PON2: variants seen among roughly 807,000 people sequenced by gnomAD.
PON2 encodes the protein serum paraoxonase/arylesterase 2.
In PON2, 27 loss-of-function variants were observed where a neutral mutation model predicts 36.6. That is an observed-to-expected ratio of 0.74 (90% CI 0.54 to 1.02). The LOEUF (loss-of-function observed/expected upper bound fraction) is 1.02, where lower values mean the gene tolerates loss of function less well. Ranked by LOEUF, PON2 falls within the 50% of genes least tolerant of loss-of-function variation. PON2 has a pLI of 0.00. For synonymous variants in PON2, 149 were observed against 156.3 expected (o/e 0.95, Z 0.35); for missense variants, 363 against 421.1 (o/e 0.86, Z 1.21).
At chr7:95,411,809 A>G in intron 4 of PON2, 30 bp from the exon 5 acceptor site, 2 of 1,610,988 alleles carry the variant, frequency 1.2e-6, no homozygotes, top group Non-Finnish European at 1.7e-6. Flanking sequence ...GAGTTAATTT[A>G]CAAGACATAA....
chr7:95,416,367 A>C lies in PON2; in HGVS notation c.146-70T>G, dbSNP rs962859873. The C allele has an allele frequency of 2.8e-5, 42 of 1,503,746 alleles. No individual in the cohort carries two copies. In the African/African-American group the frequency reaches 3.9e-4, roughly 14 times the overall value. 93.2% of individuals were successfully genotyped at this position (1,503,746 alleles called of 1,614,324 possible). A position where few individuals can be genotyped will look rare whatever the true frequency, so the allele number is the denominator to read the frequency against. ...ATTTGTTACACAGAGCATAACTGGG[A>C]CTCTGTTTACTTTATCAGAGTGACT... On this transcript the variant is annotated intron_variant, in intron 2 of 8. Transcript: ENST00000222572.
intron 2 of PON2, among the ~76,000 whole-genome samples, chr7:95,419,495 C>G (rs960920085): frequency 1.3e-5 from 2 of 152,200 alleles, no homozygotes; most frequent in Non-Finnish European, 2.9e-5. Context: ...CTTCTTATTA[C>G]TTTAGCAATT....
chr7:95,418,467 C>G (rs183878095), intron 2 of PON2: 2 of 152,278 alleles, frequency 1.3e-5, no homozygotes, highest in African/African-American at 4.8e-5. Context: ...GAAACATCCC[C>G]TGATTCCTCT....
At chr7:95,410,835 T>C (rs1736078847) in intron 5 of PON2, among the ~76,000 whole-genome samples, 1 of 152,094 alleles carries the variant, frequency 6.6e-6, no homozygotes, top group Non-Finnish European at 1.5e-5. Flanking sequence ...GGAAGGTAGG[T>C]CTCATTTTTC....
intron 2 of PON2, chr7:95,424,027 A>G: frequency 5.6e-6 from 1 of 177,492 alleles, no homozygotes; most frequent in Non-Finnish European, 1.2e-5. Flanking sequence ...ACACGTGGGG[A>G]TTATGGGAAC....
chr7:95,416,013 T>C lies in PON2; in HGVS notation c.201+229A>G. 4 of 693,252 alleles carry C rather than the reference T, an allele frequency of 5.8e-6. No homozygotes were observed. The South Asian group carries it at 8.0e-5, about 14-fold the overall frequency. The allele number at this position is 693,252 out of a possible 1,614,324, so 42.9% of individuals were successfully genotyped here. A position where few individuals can be genotyped will look rare whatever the true frequency, so the allele number is the denominator to read the frequency against. On this transcript the variant is annotated intron_variant, in intron 3 of 8. Coordinates refer to ENST00000222572, the MANE Select transcript of PON2 (RefSeq NM_000305.3). ...CAAAACACAGATTGCATTGGAATAT[T>C]TTAGTGCAATGCAATGGGGAAATAA...
At chr7:95,409,799 A>C (rs1306144546) in intron 6 of PON2, 102 bp downstream of exon 6, 1 of 875,744 alleles carries the variant, frequency 1.1e-6, no homozygotes, top group Non-Finnish European at 1.9e-6. Flanking sequence ...TATACCATAA[A>C]TGTCAAGAAA....
intron 1 of PON2, among the ~76,000 whole-genome samples, chr7:95,427,026 T>C (rs1274326099): frequency 6.6e-6 from 1 of 152,210 alleles, no homozygotes; most frequent in Non-Finnish European, 1.5e-5. Context: ...AATAGGGCAA[T>C]CTTCATCAAC....
chr7:95,412,892 T>C lies in PON2; in HGVS notation c.202-415A>G, dbSNP rs2116466553. ...TCACCTTTATCATGTGCTAGATCTCTGACATTTACATATTGGTCTATTTAG... is the reference window on the plus strand; with the variant it reads ...TCACCTTTATCATGTGCTAGATCTCCGACATTTACATATTGGTCTATTTAG... On this transcript the variant is annotated intron_variant, in intron 3 of 8. Transcript: ENST00000222572. 1.1e-5 allele frequency: 3 copies of C among 264,200 alleles called. No homozygotes were observed. The East Asian group carries it at 2.9e-4, about 26-fold the overall frequency. 16.4% of individuals were successfully genotyped at this position (264,200 alleles called of 1,614,324 possible).
chr7:95,413,582 T>C (rs1184907172), intron 3 of PON2, among the ~76,000 whole-genome samples: 1 of 152,242 alleles, frequency 6.6e-6, no homozygotes, highest in Non-Finnish European at 1.5e-5. Context: ...ATATAGGTCT[T>C]TTCTCTTTTA....
In PON2 at chr7:95,413,871, G is replaced by A. The variant is rs942024514; in HGVS notation, c.202-1394C>T. Among the ~76,000 whole-genome samples the A allele has an allele frequency of 3.3e-5, 5 of 152,176 alleles. No homozygotes were observed. In the South Asian group the frequency reaches 1.0e-3, roughly 32 times the overall value. ...GCAAGCCTGGTAAGTAGAACAAACT[G>A]GAATTATGCTATTGTTACATGGCAG... On this transcript the variant is annotated intron_variant, in intron 3 of 8. Coordinates refer to ENST00000222572, the MANE Select transcript of PON2 (RefSeq NM_000305.3).
chr7:95,405,443 T>C lies in PON2; in HGVS notation c.952A>G (p.Thr318Ala). 6.2e-7 allele frequency: 1 copy of C among 1,613,544 alleles called. No homozygotes were observed. Among genetic ancestry groups the C allele is most frequent in the Non-Finnish European group, 8.5e-7 (1 of 1,179,524 alleles). ...NILSEKPTVT[T>A]VYANNGSVLQ... Reference sequence around the variant, plus strand: ...ACAGACCCATTGTTGGCATAAACTGTAGTCACTGTAGGCTTCTCAGATAGA... The same window carrying C: ...ACAGACCCATTGTTGGCATAAACTGCAGTCACTGTAGGCTTCTCAGATAGA... The change falls in exon 9 of 9, where the codon ACA (threonine) becomes GCA (alanine). Residue 318 changes from threonine (T) to alanine (A), a missense_variant. Physicochemically the swap from Thr to Ala is moderately conservative, Grantham distance 58 (BLOSUM62 0). Transcript: ENST00000222572.
chr7:95,427,839 A>C (rs1355647549), intron 1 of PON2, among the ~76,000 whole-genome samples: 3 of 152,246 alleles, frequency 2.0e-5, no homozygotes, highest in Non-Finnish European at 2.9e-5. Context: ...TATTTCTCTT[A>C]ATATAGAGAA....
chr7:95,404,973 C>A lies in PON2; in HGVS notation c.*357G>T. On this transcript the variant is annotated 3_prime_UTR_variant, in exon 9 of 9. Transcript: ENST00000222572. ...TAGTTCTAAACAGCCATAGTAGTCA[C>A]AGTGCCAGAAGTGAGGTCACTCACA... The A allele has an allele frequency of 4.2e-6, 1 of 235,680 alleles. No homozygotes were observed. The highest frequency in any genetic ancestry group is 2.2e-5 in the African/African-American group (1 of 44,606). The allele number at this position is 235,680 out of a possible 1,614,324, so 14.6% of individuals were successfully genotyped here.
Position 95,407,006 on chromosome 7 carries a change from A to G in PON2, c.758T>C (p.Met253Thr), listed in dbSNP as rs1204819330. 1.3e-6 allele frequency: 2 copies of G among 1,567,782 alleles called. No individual in the cohort carries two copies. Among genetic ancestry groups the G allele is most frequent in the African/African-American group, 1.4e-5 (1 of 73,960 alleles). ...TTTTACCTTCAACTGAGTTAAATTCATATTAGTGTGTTTTTCCAAAACATG... is the reference window on the plus strand; with the variant it reads ...TTTTACCTTCAACTGAGTTAAATTCGTATTAGTGTGTTTTTCCAAAACATG... ...EIHVLEKHTN[M>T]NLTQLKVLEL... The change falls in exon 7 of 9, where the codon ATG becomes ACG. Residue 253 changes from methionine to threonine, a missense_variant. Met to Thr is a moderately conservative substitution (Grantham distance 81). Coordinates refer to ENST00000222572, the MANE Select transcript of PON2 (RefSeq NM_000305.3).
At chr7:95,410,195 T>C in intron 5 of PON2, 94 bp from the exon 6 acceptor site, 1 of 1,086,068 alleles carries the variant, frequency 9.2e-7, no homozygotes, top group East Asian at 2.6e-5. Context: ...CAACATGTGC[T>C]TTAAATTTTT....
intron 3 of PON2, among the ~76,000 whole-genome samples, chr7:95,414,368 G>C (rs1789012678): frequency 6.6e-6 from 1 of 152,044 alleles, no homozygotes; most frequent in Non-Finnish European, 1.5e-5. Context: ...CAGCAAACTG[G>C]GAATGTTTCT....
intron 1 of PON2, among the ~76,000 whole-genome samples, chr7:95,432,144 T>C (rs1403330974): frequency 6.6e-6 from 1 of 152,150 alleles, no homozygotes; most frequent in African/African-American, 2.4e-5. Flanking sequence ...GGGTGGTGGC[T>C]CATGTGTATA....
At chr7:95,424,133 A>G (rs182533203) in intron 2 of PON2, 1 of 282,642 alleles carries the variant, frequency 3.5e-6, no homozygotes, top group African/African-American at 2.2e-5. Context: ...TAGAGTAGTG[A>G]GCAGGGTAAA....
Sources: allele counts gnomAD v4.1 joint callset (sites outside exome capture counted in the v4.1 genomes callset), GRCh38; gene constraint gnomAD v4.1.1; transcripts MANE v1.5; gene names NCBI Gene and HGNC (gene_info 2026-07-23, HGNC 2026-07-21).